Variants in VTI1A observed in about 807,000 individuals in gnomAD.
VTI1A encodes vesicle transport through interaction with t-SNAREs 1A.
In VTI1A, 22 loss-of-function variants were observed where a neutral mutation model predicts 34.9. That is an observed-to-expected ratio of 0.63 (90% confidence interval 0.45 to 0.90). The LOEUF is 0.90. VTI1A is among the 40% of genes least tolerant of loss of function. The pLI, the probability that VTI1A is intolerant of heterozygous loss-of-function variation, is 0.00. For missense variants in VTI1A, 268 were observed against 275.6 expected (o/e 0.97, Z 0.20); for synonymous variants, 87 against 97.3 (o/e 0.89, Z 0.62).
At chr10:112,594,383 C>T (rs935524142) in intron 5 of VTI1A, among the ~76,000 whole-genome samples, 21 of 152,122 alleles carry the variant, frequency 1.4e-4, no homozygotes, top group Non-Finnish European at 2.1e-4. Flanking sequence ...TCACTGTTCA[C>T]AGACGACATG....
chr10:112,815,139 G>T (rs631578), intron 7 of VTI1A, 151 bp from the exon 8 acceptor site: 1 of 173,480 alleles, frequency 5.8e-6, no homozygotes, highest in African/African-American at 3.3e-5. Context: ...TTTCGCGCGC[G>T]CACACACACA....
chr10:112,599,171 AC>A (rs1844787326), intron 5 of VTI1A, among the ~76,000 whole-genome samples: 1 of 152,080 alleles, frequency 6.6e-6, no homozygotes. Flanking sequence ...AATGTTTGAA[AC>A]CCTCAAAAGG....
At chr10:112,797,803 T>C (rs996288204) in intron 7 of VTI1A, among the ~76,000 whole-genome samples, 2 of 152,072 alleles carry the variant, frequency 1.3e-5, no homozygotes, top group African/African-American at 2.4e-5. Context: ...CACAATAAGA[T>C]TGAATATTTA....
At chr10:112,483,414 T>C (rs1848515682) in intron 3 of VTI1A, among the ~76,000 whole-genome samples, 1 of 152,234 alleles carries the variant, frequency 6.6e-6, no homozygotes, top group African/African-American at 2.4e-5. Flanking sequence ...GATGCATTTC[T>C]ACCTTGATAT....
chr10:112,790,375 C>T (rs959060110), intron 7 of VTI1A, among the ~76,000 whole-genome samples: 1 of 152,160 alleles, frequency 6.6e-6, no homozygotes, highest in African/African-American at 2.4e-5. Context: ...TATATACTTT[C>T]CCACTCCATA....
intron 7 of VTI1A, among the ~76,000 whole-genome samples, chr10:112,800,221 C>T (rs570610141): frequency 7.2e-5 from 11 of 152,332 alleles, no homozygotes; most frequent in African/African-American, 2.2e-4. Context: ...TGGCCGTCAA[C>T]GAGTATCCCC....
intron 5 of VTI1A, among the ~76,000 whole-genome samples, chr10:112,634,514 TAC>T (rs10545562): frequency 0.34 from 48,245 of 143,482 alleles, 8,376 homozygotes; most frequent in Non-Finnish European, 0.41. Flanking sequence ...CACACACACA[TAC>T]ACACACACAC....
intron 3 of VTI1A, among the ~76,000 whole-genome samples, chr10:112,510,707 C>A (rs1849578781): frequency 6.6e-6 from 1 of 152,168 alleles, no homozygotes; most frequent in Non-Finnish European, 1.5e-5. Flanking sequence ...ATTCATACTT[C>A]ATTGCCAAAT....
chr10:112,663,037 G>A lies in VTI1A; in HGVS notation c.428-5181G>A, dbSNP rs75329208. 8.6e-3 allele frequency among the ~76,000 whole-genome samples: 1,308 copies of A among 152,262 alleles called. 17 individuals carry two copies. Among genetic ancestry groups the A allele is most frequent in the East Asian group, 0.035 (180 of 5,172 alleles). On this transcript the variant is annotated intron_variant, in intron 5 of 7. Coordinates refer to ENST00000393077, the MANE Select transcript of VTI1A (RefSeq NM_145206.4). ...CACCTTTAGACTCAACTCTGACGGC[G>A]TCTTAAAATATAAGCACACAAGAAT...
In VTI1A at chr10:112,754,183, G is replaced by C. The variant is rs142142719; in HGVS notation, c.561-61107G>C. 5.1e-4 allele frequency among the ~76,000 whole-genome samples: 77 copies of C among 152,298 alleles called. 1 individual carries two copies. The East Asian group carries it at 0.014, about 29-fold the overall frequency. On this transcript the variant is annotated intron_variant, in intron 7 of 7. Coordinates refer to ENST00000393077, the MANE Select transcript of VTI1A (RefSeq NM_145206.4). ...TACACCCACGGAGAAAGGGACTGTT[G>C]ACTTCTCAGGAAGTTATGAAATCTC...
intron 7 of VTI1A, among the ~76,000 whole-genome samples, chr10:112,776,614 TA>T: frequency 6.6e-6 from 1 of 151,866 alleles, no homozygotes; most frequent in East Asian, 1.9e-4. Flanking sequence ...GTAAACCATC[TA>T]AACAGAAGAA....
chr10:112,598,354 T>C (rs1456228377), intron 5 of VTI1A, among the ~76,000 whole-genome samples: 1 of 152,234 alleles, frequency 6.6e-6, no homozygotes, highest in Non-Finnish European at 1.5e-5. Flanking sequence ...TTCTGAACCA[T>C]TGTTTTCCTT....
intron 3 of VTI1A, among the ~76,000 whole-genome samples, chr10:112,505,012 A>G (rs543233443): frequency 1.3e-5 from 2 of 151,668 alleles, no homozygotes; most frequent in Non-Finnish European, 2.9e-5. Flanking sequence ...TGCTTTGAAG[A>G]TTGTTCCTTA....
chr10:112,757,351 ATTTTTTTTTTT>A (rs1175362768), intron 7 of VTI1A, among the ~76,000 whole-genome samples: 151 of 40,690 alleles, frequency 3.7e-3, no homozygotes, highest in African/African-American at 0.014. Flanking sequence ...TGTTGCTGTG[ATTTTTTTTTTT>A]TTTTTTTTTT....
intron 3 of VTI1A, among the ~76,000 whole-genome samples, chr10:112,479,864 C>T (rs1223129547): frequency 6.6e-6 from 1 of 152,204 alleles, no homozygotes; most frequent in African/African-American, 2.4e-5. Context: ...TATTCTATCT[C>T]ATGTACACAT....
intron 5 of VTI1A, among the ~76,000 whole-genome samples, chr10:112,598,840 C>T (rs576639734): frequency 1.3e-5 from 2 of 152,262 alleles, no homozygotes; most frequent in East Asian, 3.9e-4. Context: ...AAAGAAAGAC[C>T]TGCTATGCAT....
intron 5 of VTI1A, among the ~76,000 whole-genome samples, chr10:112,613,199 A>G (rs1393100042): frequency 6.6e-6 from 1 of 152,202 alleles, no homozygotes; most frequent in African/African-American, 2.4e-5. Context: ...ACCATTCAAT[A>G]TACTATTTAA....
intron 5 of VTI1A, among the ~76,000 whole-genome samples, chr10:112,633,465 C>G (rs1846215961): frequency 6.6e-6 from 1 of 152,112 alleles, no homozygotes; most frequent in Non-Finnish European, 1.5e-5. Flanking sequence ...GAATTTCTGT[C>G]CTCCCTATGC....
chr10:112,530,809 G>T (rs1049024843), intron 4 of VTI1A, among the ~76,000 whole-genome samples: 1 of 152,022 alleles, frequency 6.6e-6, no homozygotes, highest in Admixed American at 6.6e-5. Flanking sequence ...AAAGAAGGTC[G>T]GTATCATTTC....
Sources: gnomAD v4.1 joint callset for allele counts (sites outside exome capture counted in the v4.1 genomes callset) on GRCh38, gnomAD v4.1.1 for gene constraint, MANE v1.5 for transcripts, NCBI Gene and HGNC (gene_info 2026-07-23, HGNC 2026-07-21) for gene names.